CELF6: variants seen among roughly 807,000 people sequenced by gnomAD.
CELF6 encodes the protein Bruno -like 6, RNA binding protein.
In CELF6, 32 loss-of-function variants were observed where a neutral mutation model predicts 53.1. That is an observed-to-expected ratio of 0.60 (90% confidence interval 0.46 to 0.81). CELF6 has a LOEUF of 0.81. Among genes scored for constraint, CELF6 ranks in the 30% least tolerant of loss-of-function variants. The pLI is 0.00. For synonymous variants in CELF6, 291 were observed against 288.8 expected (o/e 1.01, Z -0.08); for missense variants, 539 against 669.5 (o/e 0.81, Z 2.15).
chr15:72,305,939 C>T (rs1209467952), intron 2 of CELF6, among the ~76,000 whole-genome samples: 2 of 152,020 alleles, frequency 1.3e-5, no homozygotes, highest in East Asian at 1.9e-4. Flanking sequence ...CCTTCCATCC[C>T]TTCCCCGCTC....
chr15:72,288,761 G>T lies in CELF6; in HGVS notation c.1093+107C>A. The T allele has an allele frequency of 7.4e-7, 1 of 1,349,130 alleles. No homozygotes were observed. The highest frequency in any genetic ancestry group is 1.0e-6 in the Non-Finnish European group (1 of 961,620). 83.6% of individuals were successfully genotyped at this position (1,349,130 alleles called of 1,614,324 possible). On this transcript the variant is annotated intron_variant, in intron 9 of 12. Transcript: ENST00000287202. This position sits in a 1 kb window ranked among gnomAD's most constrained non-coding sequence, Gnocchi z 4.6. ...AGAGGTCGTTCTGGGGGTAGGAGGG[G>T]ATGGGAGGATCAACTCCTTGGAACA...
intron 3 of CELF6, chr15:72,292,252 T>C (rs1471807603): frequency 3.9e-6 from 6 of 1,535,240 alleles, no homozygotes; most frequent in Non-Finnish European, 5.2e-6. Context: ...TCTGAGATCA[T>C]CCTGTTCAGG....
At chr15:72,313,821 ATTACTG>A (rs2140306733) in intron 2 of CELF6, 2 of 779,708 alleles carry the variant, frequency 2.6e-6, no homozygotes, top group Non-Finnish European at 3.1e-6. Context: ...TGCTGTTACT[ATTACTG>A]TTACTATCAC....
chr15:72,294,485 A>G (rs2088048882), intron 3 of CELF6, among the ~76,000 whole-genome samples: 1 of 152,228 alleles, frequency 6.6e-6, no homozygotes, highest in Non-Finnish European at 1.5e-5. Context: ...CCACGGGGAA[A>G]GTGACAGAAG....
At position 72,315,918 on chromosome 15, in the gene CELF6, A is replaced by G. The variant is rs1408796913; in HGVS notation, c.272T>C (p.Phe91Ser). 6.2e-7 allele frequency: 1 copy of G among 1,606,964 alleles called. No individual in the cohort carries two copies. Among genetic ancestry groups the G allele is most frequent in the Non-Finnish European group, 8.5e-7 (1 of 1,176,938 alleles). ...AGAGTCCCGGGCGCAGTAGGTGAGG[A>G]AGGCACAGCCTGAGGAGGAAGAGGC... ...RLTGLHKGCA[F>S]LTYCARDSAL... The change falls in exon 2 of 13, where the codon TTC becomes TCC. Residue 91 changes from phenylalanine to serine, a missense_variant. Coordinates refer to ENST00000287202, the MANE Select transcript of CELF6 (RefSeq NM_052840.5).
Position 72,288,791 on chromosome 15 carries a change from C to A in CELF6, c.1093+77G>T. ...GAGGATCAACTCCTTGGAACAGAGC[C>A]TAAATCCCCCACAACTCTCCCTATT... On this transcript the variant is annotated intron_variant, in intron 9 of 12. Coordinates refer to ENST00000287202, the MANE Select transcript of CELF6 (RefSeq NM_052840.5). The surrounding 1 kb of genome is among the most constrained non-coding windows in gnomAD (Gnocchi z 4.6). 7.0e-7 allele frequency: 1 copy of A among 1,435,250 alleles called. No homozygotes were observed. Among genetic ancestry groups the A allele is most frequent in the Non-Finnish European group, 9.6e-7 (1 of 1,041,330 alleles). 88.9% of individuals were successfully genotyped at this position (1,435,250 alleles called of 1,614,324 possible).
chr15:72,302,243 A>C (rs1274628973), intron 3 of CELF6, among the ~76,000 whole-genome samples: 1 of 152,178 alleles, frequency 6.6e-6, no homozygotes, highest in Non-Finnish European at 1.5e-5. Context: ...TCTCTCCTGA[A>C]TATATAGTAG....
At chr15:72,313,636 C>A (rs1166999981) in intron 2 of CELF6, 4 of 346,114 alleles carry the variant, frequency 1.2e-5, no homozygotes, top group Non-Finnish European at 1.6e-5. Flanking sequence ...GGGCCTCCCC[C>A]ACAGTGCCAG....
At chr15:72,293,531 G>A (rs2088034391) in intron 3 of CELF6, among the ~76,000 whole-genome samples, 2 of 152,194 alleles carry the variant, frequency 1.3e-5, no homozygotes, top group South Asian at 4.1e-4. Context: ...ATCCTAGAAA[G>A]ATGGGAATAT....
intron 1 of CELF6, among the ~76,000 whole-genome samples, chr15:72,316,359 G>C (rs951726982): frequency 6.6e-6 from 1 of 152,116 alleles, no homozygotes; most frequent in African/African-American, 2.4e-5. Flanking sequence ...GTTTCGGATG[G>C]GAGGAGGCAA....
Position 72,288,725 on chromosome 15 carries a change from C to T in CELF6, c.1094-107G>A. 7.2e-7 allele frequency: 1 copy of T among 1,384,026 alleles called. No homozygotes were observed. 85.7% of individuals were successfully genotyped at this position (1,384,026 alleles called of 1,614,324 possible). A position where few individuals can be genotyped will look rare whatever the true frequency, so the allele number is the denominator to read the frequency against. On this transcript the variant is annotated intron_variant, in intron 9 of 12. Transcript: ENST00000287202. This position sits in a 1 kb window ranked among gnomAD's most constrained non-coding sequence, Gnocchi z 4.6. ...CAATTCAGCCCAGTCCACCATAACC[C>T]TCACCCCAAGAGAGGTCGTTCTGGG...
At position 72,289,684 on chromosome 15, in the gene CELF6, C is replaced by T; in HGVS notation, c.690G>A (p.Leu230=). The T allele has an allele frequency of 6.7e-7, 1 of 1,491,154 alleles. No individual in the cohort carries two copies. Among genetic ancestry groups the T allele is most frequent in the Non-Finnish European group, 8.8e-7 (1 of 1,130,238 alleles). 92.4% of individuals were successfully genotyped at this position (1,491,154 alleles called of 1,614,324 possible). The change falls in exon 6 of 13, where the codon CTG becomes CTA. Residue 230 remains leucine, a synonymous_variant. Transcript: ENST00000287202. The surrounding 1 kb of genome is among the most constrained non-coding windows in gnomAD (Gnocchi z 7.6). ...GCAGTGGCGCGGGGTGGAAGGCGCC[C>T]AGGTGGCCGGCCATCTGCTGCATCC... ...LRRMQQMAGH[L]GAFHPAPLPL... is the part of the protein sequence containing the mutation.
chr15:72,315,044 T>G (rs1320069949), intron 2 of CELF6, among the ~76,000 whole-genome samples: 3 of 152,222 alleles, frequency 2.0e-5, no homozygotes, highest in African/African-American at 4.8e-5. Flanking sequence ...GTCTCTTTCT[T>G]GTAGACAAAC....
intron 1 of CELF6, among the ~76,000 whole-genome samples, chr15:72,317,801 G>C (rs552169185): frequency 2.0e-5 from 3 of 152,126 alleles, no homozygotes; most frequent in Non-Finnish European, 4.4e-5. Flanking sequence ...CGTCCAAACC[G>C]GGCAGGTTGC....
chr15:72,287,838 C>CTT (rs546834252), intron 11 of CELF6, among the ~76,000 whole-genome samples: 60 of 142,040 alleles, frequency 4.2e-4, no homozygotes, highest in African/African-American at 1.2e-3. Context: ...AAAGCTCGTT[C>CTT]TTTTTTTTTT....
At chr15:72,291,391 A>G (rs1377556280) in intron 3 of CELF6, among the ~76,000 whole-genome samples, 1 of 152,148 alleles carries the variant, frequency 6.6e-6, no homozygotes, top group African/African-American at 2.4e-5. Context: ...GGGCTTGACC[A>G]TGTAGGGGAC....
chr15:72,303,592 T>C (rs1595781656), intron 3 of CELF6, among the ~76,000 whole-genome samples: 2 of 152,304 alleles, frequency 1.3e-5, no homozygotes, highest in African/African-American at 2.4e-5. Flanking sequence ...ATTCTGTTCC[T>C]GAACTCGGGC....
At chr15:72,286,530 G>C (rs978217128) in intron 12 of CELF6, among the ~76,000 whole-genome samples, 188 bp from the exon 13 acceptor site, 1 of 152,220 alleles carries the variant, frequency 6.6e-6, no homozygotes, top group Admixed American at 6.5e-5. Context: ...AGCCAGACTT[G>C]AGTCCTGAGC....
At chr15:72,316,708 C>T (rs1197785576) in intron 1 of CELF6, among the ~76,000 whole-genome samples, 1 of 152,194 alleles carries the variant, frequency 6.6e-6, no homozygotes, top group Non-Finnish European at 1.5e-5. Context: ...GCCTCAGGAC[C>T]TGTAGCCTGC....
Sources: allele counts gnomAD v4.1 joint callset (sites outside exome capture counted in the v4.1 genomes callset), GRCh38; gene constraint gnomAD v4.1.1; non-coding constraint Gnocchi (gnomAD v3.1); transcripts MANE v1.5; gene names NCBI Gene and HGNC (gene_info 2026-07-23, HGNC 2026-07-21).